The following PRDM2 variants were observed in gnomAD, a reference collection of about 807,000 sequenced individuals.
PRDM2 encodes the protein PR/SET domain 2.
A neutral mutation model predicts 130.0 loss-of-function variants in PRDM2; 30 were observed. That is an observed-to-expected ratio of 0.23 (90% CI 0.17 to 0.31). PRDM2 has a LOEUF of 0.31. Ranked by LOEUF, PRDM2 falls within the 10% of genes least tolerant of loss-of-function variation. The pLI, the probability that PRDM2 is intolerant of heterozygous loss-of-function variation, is 1.00. For missense variants in PRDM2, 2,011 were observed against 2,108.4 expected, an observed-to-expected ratio of 0.95 and a Z score of 0.90; for synonymous variants, 871 against 782.4, an observed-to-expected ratio of 1.11 and a Z score of -1.89.
intron 6 of PRDM2, among the ~76,000 whole-genome samples, chr1:13,760,104 C>T (rs1644059611): frequency 6.6e-6 from 1 of 151,970 alleles, no homozygotes; most frequent in African/African-American, 2.4e-5. Context: ...ATGTAAATTA[C>T]TGTTTGTATG....
At chr1:13,773,612 G>A (rs1644404838) in intron 7 of PRDM2, 1 of 152,386 alleles carries the variant, frequency 6.6e-6, no homozygotes, top group African/African-American at 2.4e-5. Flanking sequence ...TACTTGACAG[G>A]CTGAGGTGGG....
chr1:13,783,952 CAG>C (rs1224078727), intron 8 of PRDM2, among the ~76,000 whole-genome samples: 2 of 152,174 alleles, frequency 1.3e-5, no homozygotes, highest in Non-Finnish European at 2.9e-5. Flanking sequence ...CACGAGGACA[CAG>C]AGGTGCCATT....
chr1:13,729,533 A>G (rs1391184246), intron 2 of PRDM2, among the ~76,000 whole-genome samples: 1 of 152,206 alleles, frequency 6.6e-6, no homozygotes, highest in Non-Finnish European at 1.5e-5. Flanking sequence ...AATTGTTCAC[A>G]TTTCCAAAAA....
Position 13,803,098 on chromosome 1 carries a change from A to AC in PRDM2, c.5037-13329_5037-13328insC, listed in dbSNP as rs1337681538. ...ACCCCTGTGCTGAATGGAGTGGGGA[A>AC]GGTGGGCTGGGGAGGCCTGAGGGCT... On this transcript the variant is annotated intron_variant, in intron 8 of 9. Coordinates refer to ENST00000311066, the MANE Select transcript of PRDM2 (RefSeq NM_001393986.1). The surrounding 1 kb of genome is among the most constrained non-coding windows in gnomAD (Gnocchi z 6.2). 6.6e-6 allele frequency among the ~76,000 whole-genome samples: 1 copy of AC among 152,180 alleles called. No homozygotes were observed. Among genetic ancestry groups the AC allele is most frequent in the East Asian group, 1.9e-4 (1 of 5,178 alleles).
chr1:13,764,854 G>A (rs987237788), intron 6 of PRDM2, among the ~76,000 whole-genome samples: 1 of 152,110 alleles, frequency 6.6e-6, no homozygotes, highest in African/African-American at 2.4e-5. Context: ...TTTATAATTT[G>A]CCTCCAGGAT....
At chr1:13,736,865 A>G (rs1438108006) in intron 4 of PRDM2, among the ~76,000 whole-genome samples, 2 of 152,206 alleles carry the variant, frequency 1.3e-5, no homozygotes, top group Non-Finnish European at 2.9e-5. Context: ...CATTCAGGCA[A>G]CAAATTTTGA....
At chr1:13,741,980 T>C (rs1643460252) in intron 4 of PRDM2, 25 bp from the exon 5 acceptor site, 1 of 1,506,464 alleles carries the variant, frequency 6.6e-7, no homozygotes, top group South Asian at 1.2e-5. Flanking sequence ...TTAACAAAAG[T>C]TTTTTACTTT....
Position 13,778,728 on chromosome 1 carries a change from G to A in PRDM2, c.933G>A (p.Arg311=). ...NENSVKEPEI[R]CDEKPEDLLE... ...ATTCTGTGAAAGAGCCAGAAATACG[G>A]TGTGATGAGAAGCCAGAAGATTTAT... Residue 311 remains arginine, a synonymous_variant, in exon 8 of 10, where the codon CGG becomes CGA. Transcript: ENST00000311066. The A allele has an allele frequency of 1.2e-6, 2 of 1,614,208 alleles. No individual in the cohort carries two copies.
chr1:13,781,906 G>A lies in PRDM2; in HGVS notation c.4111G>A (p.Val1371Ile). The A allele has an allele frequency of 6.2e-7, 1 of 1,614,180 alleles. No homozygotes were observed. The highest frequency in any genetic ancestry group is 8.5e-7 in the Non-Finnish European group (1 of 1,180,048). The change falls in exon 8 of 10, where the codon GTA becomes ATA. Residue 1371 changes from valine to isoleucine, a missense_variant. Coordinates refer to ENST00000311066, the MANE Select transcript of PRDM2 (RefSeq NM_001393986.1). The surrounding 1 kb of genome is among the most constrained non-coding windows in gnomAD (Gnocchi z 6.1). ...KKRYTPKKNP[V>I]PLKQTVQPKN... ...GAGGTACACGCCTAAGAAAAACCCA[G>A]TACCATTAAAACAAACTGTGCAACC...
chr1:13,795,146 TAAG>T (rs1300188962), intron 8 of PRDM2, among the ~76,000 whole-genome samples: 2 of 152,212 alleles, frequency 1.3e-5, no homozygotes, highest in African/African-American at 2.4e-5. Flanking sequence ...AAAGGTAAGT[TAAG>T]AAGAAAGCAT....
At chr1:13,716,984 C>G (rs1055058781) in intron 2 of PRDM2, among the ~76,000 whole-genome samples, 1 of 151,738 alleles carries the variant, frequency 6.6e-6, no homozygotes, top group Non-Finnish European at 1.5e-5. Context: ...ATCACAAGTT[C>G]AATTTAATTA....
chr1:13,730,167 G>C (rs916461774), intron 2 of PRDM2, among the ~76,000 whole-genome samples: 1 of 152,130 alleles, frequency 6.6e-6, no homozygotes, highest in Non-Finnish European at 1.5e-5. Context: ...CAGCTCCGTA[G>C]GATATATGGT....
At chr1:13,790,188 G>A (rs778557506) in intron 8 of PRDM2, among the ~76,000 whole-genome samples, 2 of 152,124 alleles carry the variant, frequency 1.3e-5, no homozygotes, top group Non-Finnish European at 2.9e-5. Context: ...GTAAATTCAG[G>A]GCACAGGAGA....
At chr1:13,761,761 G>A (rs369035771) in intron 6 of PRDM2, among the ~76,000 whole-genome samples, 11 of 152,094 alleles carry the variant, frequency 7.2e-5, no homozygotes, top group East Asian at 5.8e-4. Flanking sequence ...ACAGTTAGGA[G>A]CAATAAAATC....
intron 4 of PRDM2, 63 bp from the exon 5 acceptor site, chr1:13,741,942 A>G: frequency 7.6e-7 from 1 of 1,323,334 alleles, no homozygotes; most frequent in Non-Finnish European, 1.1e-6. Context: ...AAAGTTAAAA[A>G]TGGAGGCATT....
rs1396727646 is a variant in PRDM2, at chr1:13,749,405, A to G, written c.429A>G (p.Glu143=). The change falls in exon 6 of 10, where the codon GAA becomes GAG. Residue 143 remains glutamate (E), a synonymous_variant. Transcript: ENST00000311066. ...AGCTCCTGGTCTGGTACAATGGGGA[A>G]GACAACCCTGAGATAGCAGCTGCGA... is the stretch of plus-strand genomic sequence containing the variant. ...GEELLVWYNG[E]DNPEIAAAIE... is the part of the protein sequence containing the mutation. 3 of 1,504,708 alleles carry G rather than the reference A, an allele frequency of 2.0e-6. No individual in the cohort carries two copies. Among genetic ancestry groups the G allele is most frequent in the East Asian group, 2.8e-5 (1 of 36,064 alleles). The allele number at this position is 1,504,708 out of a possible 1,614,324, so 93.2% of individuals were successfully genotyped here.
rs536208508 is a variant in PRDM2, at chr1:13,823,357, G to T, written c.*222G>T. On this transcript the variant is annotated 3_prime_UTR_variant, in exon 10 of 10. Transcript: ENST00000311066. Reference sequence around the variant, plus strand: ...TCAAACGAGGGTCCCGATCCCCGGGGCGGCAGGAAGGGGGCCGACTCCACG... The same window carrying T: ...TCAAACGAGGGTCCCGATCCCCGGGTCGGCAGGAAGGGGGCCGACTCCACG... The T allele has an allele frequency of 1.5e-5, 11 of 715,072 alleles. No homozygotes were observed. In the East Asian group the frequency reaches 3.0e-4, roughly 20 times the overall value. The allele number at this position is 715,072 out of a possible 1,614,324, so 44.3% of individuals were successfully genotyped here.
chr1:13,708,713 T>A (rs1359560334), intron 1 of PRDM2, among the ~76,000 whole-genome samples: 1 of 152,184 alleles, frequency 6.6e-6, no homozygotes, highest in South Asian at 2.1e-4. Context: ...TATTTGTAGG[T>A]AGGGAAATTG....
intron 4 of PRDM2, among the ~76,000 whole-genome samples, chr1:13,735,185 A>G (rs940372547): frequency 2.0e-5 from 3 of 152,240 alleles, no homozygotes; most frequent in African/African-American, 7.2e-5. Context: ...TTGATTATCT[A>G]ACCCAGTCTT....
Sources: allele counts gnomAD v4.1 joint callset (sites outside exome capture counted in the v4.1 genomes callset), GRCh38; gene constraint gnomAD v4.1.1; non-coding constraint Gnocchi (gnomAD v3.1); transcripts MANE v1.5; gene names NCBI Gene and HGNC (gene_info 2026-07-23, HGNC 2026-07-21).